Variants in SEPTIN9 observed in about 807,000 individuals in gnomAD.
SEPTIN9 encodes septin 9.
SEPTIN9 carries 13 observed loss-of-function variants against 56.6 expected under a neutral mutation model. That is an observed-to-expected ratio of 0.23 (90% CI 0.15 to 0.37). The LOEUF (loss-of-function observed/expected upper bound fraction) is 0.37, where lower values mean the gene tolerates loss of function less well. Ranked by LOEUF, SEPTIN9 falls within the 10% of genes least tolerant of loss-of-function variation. The probability of loss-of-function intolerance (pLI) is 1.00; values close to 1 mark genes in which losing one functional copy is unlikely to be tolerated. For missense variants in SEPTIN9, 650 were observed against 823.1 expected, an observed-to-expected ratio of 0.79 and a Z score of 2.57; for synonymous variants, 332 against 334.1, an observed-to-expected ratio of 0.99 and a Z score of 0.07.
At chr17:77,292,682 C>T (rs1458801466) in intron 1 of SEPTIN9, among the ~76,000 whole-genome samples, 5 of 151,920 alleles carry the variant, frequency 3.3e-5, no homozygotes, top group East Asian at 1.9e-4. Context: ...TTAGTAGAGA[C>T]GGGGTTTCCC....
At chr17:77,351,383 T>G (rs2034060292) in intron 2 of SEPTIN9, among the ~76,000 whole-genome samples, 1 of 152,134 alleles carries the variant, frequency 6.6e-6, no homozygotes, top group Non-Finnish European at 1.5e-5. Flanking sequence ...TGCTGCTCGT[T>G]GAAGGGAACA....
chr17:77,386,902 G>T (rs1352167930), intron 2 of SEPTIN9, among the ~76,000 whole-genome samples: 3 of 152,224 alleles, frequency 2.0e-5, no homozygotes, highest in South Asian at 4.1e-4. Flanking sequence ...TTCAGTGCAG[G>T]GCAGATGAGC....
chr17:77,393,251 C>T (rs906972454), intron 2 of SEPTIN9, among the ~76,000 whole-genome samples: 7 of 152,172 alleles, frequency 4.6e-5, no homozygotes, highest in African/African-American at 1.7e-4. Context: ...GACTGCAGAC[C>T]GTGCCCCCAG....
chr17:77,466,944 G>C (rs966820827), intron 3 of SEPTIN9, among the ~76,000 whole-genome samples: 1 of 152,130 alleles, frequency 6.6e-6, no homozygotes, highest in Non-Finnish European at 1.5e-5. Context: ...TTTAGTGCTC[G>C]GCTGGGCTCT....
intron 3 of SEPTIN9, among the ~76,000 whole-genome samples, chr17:77,418,908 A>G (rs3987885): frequency 0.36 from 55,236 of 151,734 alleles, 10,497 homozygotes; most frequent in Non-Finnish European, 0.4. Flanking sequence ...AGGAGGCAGC[A>G]AGGGACGGCT....
At chr17:77,441,356 C>T (rs1348837257) in intron 3 of SEPTIN9, among the ~76,000 whole-genome samples, 1 of 152,242 alleles carries the variant, frequency 6.6e-6, no homozygotes, top group Admixed American at 6.5e-5. Context: ...GCGGCCCCTG[C>T]CCCGGAGGGA....
intron 1 of SEPTIN9, among the ~76,000 whole-genome samples, chr17:77,284,716 G>A (rs1386574976): frequency 2.0e-5 from 3 of 152,104 alleles, no homozygotes; most frequent in Non-Finnish European, 4.4e-5. Flanking sequence ...TGCAACCTCC[G>A]CCTCCCAGGT....
At chr17:77,290,559 G>A (rs921278772) in intron 1 of SEPTIN9, among the ~76,000 whole-genome samples, 3 of 151,764 alleles carry the variant, frequency 2.0e-5, no homozygotes, top group African/African-American at 7.3e-5. Context: ...CGGGAGCGGT[G>A]GCTCACACCT....
chr17:77,426,355 G>A (rs553031885), intron 3 of SEPTIN9, among the ~76,000 whole-genome samples: 30 of 152,244 alleles, frequency 2.0e-4, no homozygotes, highest in Non-Finnish European at 4.0e-4. Flanking sequence ...GCCCCCGGAG[G>A]CATGCAGTGG....
intron 2 of SEPTIN9, among the ~76,000 whole-genome samples, chr17:77,381,916 G>C (rs1381186341): frequency 6.6e-6 from 1 of 152,230 alleles, no homozygotes; most frequent in Non-Finnish European, 1.5e-5. Flanking sequence ...GGGGTAGAAC[G>C]GGAGGGCTTC....
intron 3 of SEPTIN9, among the ~76,000 whole-genome samples, chr17:77,464,595 A>G: frequency 6.6e-6 from 1 of 151,120 alleles, no homozygotes; most frequent in Non-Finnish European, 1.5e-5. Context: ...TCCAGTTGAC[A>G]CAGAAATTTT....
intron 4 of SEPTIN9, among the ~76,000 whole-genome samples, chr17:77,484,386 G>A (rs946475394): frequency 6.7e-5 from 10 of 150,244 alleles, no homozygotes; most frequent in Admixed American, 1.3e-4. Context: ...GATGGTGGTG[G>A]TGGTGATGGT....
At chr17:77,352,847 T>A (rs1036418525) in intron 2 of SEPTIN9, among the ~76,000 whole-genome samples, 1 of 152,100 alleles carries the variant, frequency 6.6e-6, no homozygotes, top group Admixed American at 6.6e-5. Context: ...AATTTTTTTG[T>A]AGAGACGAGG....
intron 1 of SEPTIN9, among the ~76,000 whole-genome samples, chr17:77,296,197 G>A (rs1322253819): frequency 6.6e-6 from 1 of 152,136 alleles, no homozygotes; most frequent in African/African-American, 2.4e-5. Flanking sequence ...ACCTTGATCC[G>A]GGACTTTGGG....
intron 3 of SEPTIN9, among the ~76,000 whole-genome samples, chr17:77,430,073 G>T (rs1598360968): frequency 6.6e-6 from 1 of 152,068 alleles, no homozygotes; most frequent in South Asian, 2.1e-4. Context: ...CCTGTGTCTG[G>T]CCAGCCTCAC....
At chr17:77,287,808 G>A in intron 1 of SEPTIN9, 1 of 885,286 alleles carries the variant, frequency 1.1e-6, no homozygotes, top group Non-Finnish European at 1.4e-6. Flanking sequence ...GTTCTCCAAA[G>A]CATGACTGTT....
chr17:77,332,293 A>C (rs34602749), intron 2 of SEPTIN9, among the ~76,000 whole-genome samples: 57,585 of 142,218 alleles, frequency 0.4, 12,288 homozygotes, highest in East Asian at 0.65. Flanking sequence ...AAAACAAAAC[A>C]AAACCACAAA....
At chr17:77,309,708 CG>C (rs1879735841) in intron 2 of SEPTIN9, among the ~76,000 whole-genome samples, 1 of 151,908 alleles carries the variant, frequency 6.6e-6, no homozygotes, top group South Asian at 2.1e-4. Flanking sequence ...CCATGATCAA[CG>C]CTTTGGTCAG....
In SEPTIN9 at chr17:77,400,038, A is replaced by T. The variant is rs2035850284; in HGVS notation, c.77-2021A>T. Among the ~76,000 whole-genome samples, 1 of 152,108 alleles carries T rather than the reference A, an allele frequency of 6.6e-6. No individual in the cohort carries two copies. Among genetic ancestry groups the T allele is most frequent in the South Asian group, 2.1e-4 (1 of 4,820 alleles). Reference sequence around the variant, plus strand: ...TCTGTCAGTCAGGCTGAGTGCAGTGACACGATCTCAGCTCTGCAACCTCTG... The same window carrying T: ...TCTGTCAGTCAGGCTGAGTGCAGTGTCACGATCTCAGCTCTGCAACCTCTG... On this transcript the variant is annotated intron_variant, in intron 2 of 11. Transcript: ENST00000427177. The surrounding 1 kb of genome is among the most constrained non-coding windows in gnomAD (Gnocchi z 4.1).
Sources: gnomAD v4.1 joint callset for allele counts (sites outside exome capture counted in the v4.1 genomes callset) on GRCh38, gnomAD v4.1.1 for gene constraint, Gnocchi (gnomAD v3.1) non-coding constraint, MANE v1.5 for transcripts, NCBI Gene and HGNC (gene_info 2026-07-23, HGNC 2026-07-21) for gene names.